RNF20: variants seen among roughly 807,000 people sequenced by gnomAD.
The protein encoded by RNF20 is ring finger protein 20.
A neutral mutation model predicts 126.2 loss-of-function variants in RNF20; 84 were observed. The ratio of observed to expected loss-of-function variants is 0.67; its 90% CI spans 0.56 to 0.80. The LOEUF (loss-of-function observed/expected upper bound fraction) is 0.80. Among genes scored for constraint, RNF20 ranks in the 30% least tolerant of loss-of-function variants. The pLI, the probability that RNF20 is intolerant of heterozygous loss-of-function variation, is 0.00. For synonymous variants in RNF20, 400 were observed against 414.3 expected, an observed-to-expected ratio of 0.97 and a Z score of 0.42; for missense variants, 869 against 1,188.2, an observed-to-expected ratio of 0.73 and a Z score of 3.95.
chr9:101,538,248 AGAG>A (rs1827213434), intron 2 of RNF20, among the ~76,000 whole-genome samples: 1 of 152,208 alleles, frequency 6.6e-6, no homozygotes, highest in Non-Finnish European at 1.5e-5. Flanking sequence ...TCATTGGTGA[AGAG>A]GAGGTCAGTG....
intron 6 of RNF20, among the ~76,000 whole-genome samples, chr9:101,545,567 A>G (rs1827334127): frequency 6.6e-6 from 1 of 152,188 alleles, no homozygotes; most frequent in Admixed American, 6.5e-5. Context: ...TTGACTTCAA[A>G]GCTCTTGTTC....
rs1564111406 is a variant in RNF20, at chr9:101,554,095, C to G, written c.2009C>G (p.Ser670Cys). ...CAGCTGATGGCAGCTGAGAAGAAGT[C>G]TAAGGCAGAGGTATTCTAGTCTGCT... is the stretch of plus-strand genomic sequence containing the variant. The part of the protein sequence containing the change: ...KVQLMAAEKK[S>C]KAELEDLRQR... The change falls in exon 14 of 20, where the codon TCT becomes TGT. Residue 670 changes from serine (S) to cysteine (C), a missense_variant. Around this residue, in one of 8 missense-constraint regions of RNF20, gnomAD observed 231 missense variants for 263.6 expected, o/e 0.88. Coordinates refer to ENST00000389120, the MANE Select transcript of RNF20 (RefSeq NM_019592.7). 4 of 1,598,784 alleles carry G rather than the reference C, an allele frequency of 2.5e-6. No homozygotes were observed. The highest frequency in any genetic ancestry group is 1.3e-5 in the African/African-American group (1 of 74,594).
At chr9:101,546,287 A>G (rs978566370) in intron 6 of RNF20, among the ~76,000 whole-genome samples, 32 of 152,168 alleles carry the variant, frequency 2.1e-4, no homozygotes, top group African/African-American at 7.7e-4. Context: ...TAAATAGAGT[A>G]TCTGACTTTA....
At chr9:101,556,485 AT>A (rs974461335) in intron 15 of RNF20, among the ~76,000 whole-genome samples, 5 of 152,170 alleles carry the variant, frequency 3.3e-5, no homozygotes, top group Middle Eastern at 3.2e-3. Context: ...ATTAAAAAAA[AT>A]AATGTTAGAG....
At chr9:101,551,887 C>T (rs1176635213) in intron 11 of RNF20, 68 bp downstream of exon 11, 56 of 1,508,506 alleles carry the variant, frequency 3.7e-5, no homozygotes, top group Non-Finnish European at 4.6e-5. Flanking sequence ...CAACACAGAC[C>T]CCAGGGTTTG....
intron 5 of RNF20, among the ~76,000 whole-genome samples, chr9:101,541,455 C>T (rs551498314): frequency 1.3e-5 from 2 of 152,306 alleles, no homozygotes; most frequent in South Asian, 4.1e-4. Context: ...TTTATCAGTG[C>T]TTCTCATTTT....
rs777318798 is a variant in RNF20, at chr9:101,547,496, C to T, written c.1070C>T (p.Thr357Ile). The T allele has an allele frequency of 3.7e-6, 6 of 1,614,036 alleles. No homozygotes were observed. Among genetic ancestry groups the T allele is most frequent in the Non-Finnish European group, 5.1e-6 (6 of 1,179,988 alleles). Residue 357 changes from threonine to isoleucine, a missense_variant, in exon 9 of 20, where the codon ACT becomes ATT. Physicochemically the swap from Thr to Ile is moderately conservative, Grantham distance 89. Coordinates refer to ENST00000389120, the MANE Select transcript of RNF20 (RefSeq NM_019592.7). ...CTTCGGCAAGACTTTGAGGAGGTCA[C>T]TACACAAAATGAAAAGCTGAAGGTA... is the stretch of plus-strand genomic sequence containing the variant. ...EKLRQDFEEV[T>I]TQNEKLKVEL...
chr9:101,559,428 G>T (rs947504662), intron 16 of RNF20, among the ~76,000 whole-genome samples: 1 of 152,030 alleles, frequency 6.6e-6, no homozygotes, highest in Non-Finnish European at 1.5e-5. Flanking sequence ...TTCTAGTTCC[G>T]TGAAGAATGA....
At chr9:101,540,069 A>C in intron 2 of RNF20, 134 bp from the exon 3 acceptor site, 1 of 803,328 alleles carries the variant, frequency 1.2e-6, no homozygotes, top group Non-Finnish European at 1.9e-6. Context: ...CTTCTTAATT[A>C]CTTGTAAGAT....
intron 2 of RNF20, among the ~76,000 whole-genome samples, chr9:101,535,770 G>A (rs900277514): frequency 2.6e-5 from 4 of 152,178 alleles, no homozygotes; most frequent in South Asian, 2.1e-4. Context: ...ATATTCTTTC[G>A]AGAATCTGGG....
intron 11 of RNF20, 70 bp downstream of exon 11, chr9:101,551,889 C>T: frequency 1.3e-6 from 2 of 1,495,136 alleles, no homozygotes; most frequent in Non-Finnish European, 1.8e-6. Flanking sequence ...ACACAGACCC[C>T]AGGGTTTGTT....
intron 14 of RNF20, 59 bp downstream of exon 14, chr9:101,554,164 CT>C: frequency 1.1e-6 from 1 of 949,586 alleles, no homozygotes; most frequent in Non-Finnish European, 1.7e-6. Context: ...TGGGATTTTC[CT>C]TTATACTTGC....
At position 101,554,701 on chromosome 9, in the gene RNF20, A is replaced by G. The variant is rs769954598; in HGVS notation, c.2027A>G (p.Asp676Gly). The change falls in exon 15 of 20, where the codon GAT (aspartate) becomes GGT (glycine). Residue 676 changes from aspartate (D) to glycine (G), a missense_variant. Asp to Gly is a moderately conservative substitution (Grantham distance 94, BLOSUM62 -1). Coordinates refer to ENST00000389120, the MANE Select transcript of RNF20 (RefSeq NM_019592.7). ...AEKKSKAELE[D>G]LRQRLKDLED... ...ATTCCTTTCCTCTTATAGTTGGAAG[A>G]TCTAAGGCAAAGACTCAAGGATCTG... 8 of 1,611,098 alleles carry G rather than the reference A, an allele frequency of 5.0e-6. No homozygotes were observed. In the South Asian group the frequency reaches 6.6e-5, roughly 13 times the overall value.
intron 16 of RNF20, among the ~76,000 whole-genome samples, chr9:101,559,463 A>C (rs537591582): frequency 3.9e-5 from 6 of 152,066 alleles, no homozygotes; most frequent in Non-Finnish European, 8.8e-5. Flanking sequence ...TGGGAATTGC[A>C]TTTCATTTGT....
intron 16 of RNF20, 61 bp downstream of exon 16, chr9:101,557,657 A>T (rs541631936): frequency 7.9e-6 from 10 of 1,273,632 alleles, no homozygotes; most frequent in East Asian, 2.4e-5. Flanking sequence ...ACATGATGAT[A>T]TAAGTAAAAG....
intron 5 of RNF20, among the ~76,000 whole-genome samples, chr9:101,543,255 C>T (rs998837827): frequency 3.3e-5 from 5 of 152,306 alleles, no homozygotes; most frequent in African/African-American, 7.2e-5. Flanking sequence ...CCTGCCAGAG[C>T]GGCACTGTCT....
rs1483079350 is a variant in RNF20, at chr9:101,540,847, G to A, written c.500G>A (p.Ser167Asn). The A allele has an allele frequency of 6.2e-7, 1 of 1,614,072 alleles. No individual in the cohort carries two copies. Among genetic ancestry groups the A allele is most frequent in the Non-Finnish European group, 8.5e-7 (1 of 1,180,002 alleles). ...CTTGCTACTTTGGCCAGCAGTTCCAGTGAAGAGATGGAGTCTCAGCTGCAG... is the reference window on the plus strand; with the variant it reads ...CTTGCTACTTTGGCCAGCAGTTCCAATGAAGAGATGGAGTCTCAGCTGCAG... ...SFLATLASSS[S>N]EEMESQLQER... Residue 167 changes from serine to asparagine, a missense_variant, in exon 5 of 20, where the codon AGT becomes AAT. This residue lies in a region of RNF20 where 157 missense variants were observed against 236.0 expected (regional missense o/e 0.67). Coordinates refer to ENST00000389120, the MANE Select transcript of RNF20 (RefSeq NM_019592.7).
rs200469627 is a variant in RNF20, at chr9:101,553,247, C to T, written c.1901+494C>T. ...TACACATTGACACACTAAGATAGAC[C>T]TTTAACTTGTTGAATTTTTCTGTGT... On this transcript the variant is annotated intron_variant, in intron 13 of 19. Transcript: ENST00000389120. Among the ~76,000 whole-genome samples the T allele has an allele frequency of 1.1e-4, 16 of 152,200 alleles. No homozygotes were observed. The East Asian group carries it at 3.1e-3, about 29-fold the overall frequency.
rs773462413 is a variant in RNF20, at chr9:101,550,731, G to C, written c.1218G>C (p.Arg406=). 1.7e-5 allele frequency: 27 copies of C among 1,614,082 alleles called. No homozygotes were observed. The highest frequency in any genetic ancestry group is 2.3e-5 in the Non-Finnish European group (27 of 1,180,030). Residue 406 remains arginine, a synonymous_variant, in exon 10 of 20, where the codon CGG becomes CGC. Coordinates refer to ENST00000389120, the MANE Select transcript of RNF20 (RefSeq NM_019592.7). Reference sequence around the variant, plus strand: ...TGAAAGCACACTTGGATGAGGCTCGGACCCTGCTTCATGGCACCAGAGGAA... The same window carrying C: ...TGAAAGCACACTTGGATGAGGCTCGCACCCTGCTTCATGGCACCAGAGGAA... ...LQLKAHLDEA[R]TLLHGTRGTH...
Sources: allele counts gnomAD v4.1 joint callset (sites outside exome capture counted in the v4.1 genomes callset), GRCh38; gene constraint gnomAD v4.1.1; regional missense constraint gnomAD v4.1.1; transcripts MANE v1.5; gene names NCBI Gene and HGNC (gene_info 2026-07-23, HGNC 2026-07-21).